MICAL3: variants seen among roughly 807,000 people sequenced by gnomAD.
The protein encoded by MICAL3 is [F-actin]-monooxygenase MICAL3.
A neutral mutation model predicts 207.4 loss-of-function variants in MICAL3; 62 were observed. That is an observed-to-expected ratio of 0.30 (90% CI 0.24 to 0.37). The LOEUF is 0.37. MICAL3 is among the 10% of genes least tolerant of loss of function. MICAL3 has a pLI of 1.00. For synonymous variants in MICAL3, 1,077 were observed against 1,069.3 expected (o/e 1.01, Z -0.14); for missense variants, 2,368 against 2,635.6 (o/e 0.90, Z 2.22).
At chr22:17,931,017 G>T (rs1446917039) in intron 1 of MICAL3, among the ~76,000 whole-genome samples, 1 of 152,192 alleles carries the variant, frequency 6.6e-6, no homozygotes, top group Non-Finnish European at 1.5e-5. Context: ...CTCCGCAACA[G>T]ACCGGGTTCC....
At chr22:17,947,383 C>T (rs1934125142) in intron 1 of MICAL3, among the ~76,000 whole-genome samples, 1 of 152,204 alleles carries the variant, frequency 6.6e-6, no homozygotes, top group Non-Finnish European at 1.5e-5. Context: ...TCGGTGTCTG[C>T]CTTGCTCCAA....
intron 25 of MICAL3, among the ~76,000 whole-genome samples, chr22:17,819,974 A>C (rs1177805311): frequency 1.7e-4 from 25 of 145,288 alleles, no homozygotes; most frequent in African/African-American, 6.2e-4. Flanking sequence ...AAAAAAATCC[A>C]ATCAGTGAAC....
intron 1 of MICAL3, among the ~76,000 whole-genome samples, chr22:17,977,676 A>G (rs1569154696): frequency 1.3e-5 from 2 of 152,168 alleles, no homozygotes. Context: ...TTAAACATAG[A>G]GTTACCATAT....
chr22:17,858,547 C>T (rs758658872), intron 19 of MICAL3: 28 of 836,056 alleles, frequency 3.3e-5, no homozygotes, highest in African/African-American at 2.0e-4. Context: ...CTTGTGGGAC[C>T]GGGTCCTATA....
At chr22:17,995,139 A>C (rs1922129759) in intron 1 of MICAL3, among the ~76,000 whole-genome samples, 2 of 152,066 alleles carry the variant, frequency 1.3e-5, no homozygotes, top group African/African-American at 2.4e-5. Context: ...ATAAGCCAAC[A>C]GTCTCACTTC....
At chr22:17,797,859 G>A (rs957059246) in intron 29 of MICAL3, among the ~76,000 whole-genome samples, 4 of 152,240 alleles carry the variant, frequency 2.6e-5, no homozygotes, top group East Asian at 1.9e-4. Context: ...CAGGCACGTC[G>A]GCGGGCCGTC....
intron 17 of MICAL3, among the ~76,000 whole-genome samples, chr22:17,866,407 G>T (rs1359821378): frequency 6.6e-6 from 1 of 152,220 alleles, no homozygotes; most frequent in Non-Finnish European, 1.5e-5. Flanking sequence ...TACAAGTGCA[G>T]GGTGGAGGCG....
At chr22:17,991,279 C>A (rs1227712927) in intron 1 of MICAL3, among the ~76,000 whole-genome samples, 1 of 152,216 alleles carries the variant, frequency 6.6e-6, no homozygotes, top group Non-Finnish European at 1.5e-5. Flanking sequence ...CAAAGAGGGG[C>A]AGGCAGGTGA....
intron 16 of MICAL3, chr22:17,875,479 G>A (rs1022885823): frequency 1.0e-5 from 16 of 1,556,844 alleles, no homozygotes; most frequent in Non-Finnish European, 1.4e-5. Flanking sequence ...GGAGAGGCGG[G>A]GCGGGCAGAG....
At position 17,817,480 on chromosome 22, in the gene MICAL3, G is replaced by A. The variant is rs369130749; in HGVS notation, c.5181C>T (p.Asn1727=). 9.9e-6 allele frequency: 16 copies of A among 1,613,668 alleles called. No homozygotes were observed. The highest frequency in any genetic ancestry group is 3.3e-5 in the Admixed American group (2 of 60,008). Residue 1727 remains asparagine (N), a synonymous_variant, in exon 26 of 32, where the codon AAC becomes AAT. Transcript: ENST00000441493. ...EGRPPEKPSS[N]LLEEAAAKPK... is the part of the protein sequence containing the mutation. Reference sequence around the variant, plus strand: ...GTTTGGCGGCGGCTTCTTCTAGGAGGTTGGAGCTGGGCTTCTCCGGGGGCC... The same window carrying A: ...GTTTGGCGGCGGCTTCTTCTAGGAGATTGGAGCTGGGCTTCTCCGGGGGCC...
At chr22:17,856,770 C>G (rs750161000) in intron 19 of MICAL3, among the ~76,000 whole-genome samples, 3 of 151,874 alleles carry the variant, frequency 2.0e-5, no homozygotes, top group Non-Finnish European at 4.4e-5. Flanking sequence ...TACAGGCGCC[C>G]GCCACCGCGC....
At chr22:17,821,562 G>C in intron 24 of MICAL3, 53 bp from the exon 25 acceptor site, 1 of 1,435,270 alleles carries the variant, frequency 7.0e-7, no homozygotes, top group Non-Finnish European at 9.4e-7. Context: ...CATGTGCCAG[G>C]AAGGCACCCC....
intron 1 of MICAL3, among the ~76,000 whole-genome samples, chr22:17,947,611 G>A (rs1485362783): frequency 2.0e-5 from 3 of 152,204 alleles, no homozygotes; most frequent in Non-Finnish European, 4.4e-5. Flanking sequence ...AGGCTGGAGT[G>A]CAGTGGTGCC....
intron 1 of MICAL3, among the ~76,000 whole-genome samples, chr22:18,009,093 G>A (rs942238432): frequency 3.3e-5 from 5 of 149,904 alleles, no homozygotes; most frequent in Non-Finnish European, 5.9e-5. Flanking sequence ...ACAAAACCAA[G>A]ATGGGACTAT....
In MICAL3 at chr22:17,788,836, A is replaced by G. The variant is rs995014564; in HGVS notation, c.*1896T>C. The G allele has an allele frequency of 6.6e-6, 1 of 152,466 alleles. No individual in the cohort carries two copies. The highest frequency in any genetic ancestry group is 1.5e-5 in the Non-Finnish European group (1 of 68,188). 9.4% of individuals were successfully genotyped at this position (152,466 alleles called of 1,614,324 possible). On this transcript the variant is annotated 3_prime_UTR_variant, in exon 32 of 32. Transcript: ENST00000441493. ...CAAGTTGAAGCACAGTGTGGTTCCCATGGAAAGCCCAAGGTCAGCACAGCC... is the reference window on the plus strand; with the variant it reads ...CAAGTTGAAGCACAGTGTGGTTCCCGTGGAAAGCCCAAGGTCAGCACAGCC...
chr22:18,020,943 A>C (rs1011109668), intron 1 of MICAL3, among the ~76,000 whole-genome samples: 3 of 150,826 alleles, frequency 2.0e-5, no homozygotes, highest in Admixed American at 6.6e-5. Flanking sequence ...TAAATAAATA[A>C]ATAAATAAAT....
chr22:17,947,239 C>T (rs1291691076), intron 1 of MICAL3, among the ~76,000 whole-genome samples: 6 of 152,214 alleles, frequency 3.9e-5, no homozygotes, highest in Non-Finnish European at 8.8e-5. Flanking sequence ...AAGACTGTGC[C>T]CGCCAAGACA....
chr22:17,860,339 T>C (rs1273537777), intron 19 of MICAL3: 2 of 984,500 alleles, frequency 2.0e-6, no homozygotes. Context: ...AAGGCAAAAA[T>C]GGAAGTGGAG....
chr22:17,902,435 G>A lies in MICAL3; in HGVS notation c.589+196C>T, dbSNP rs1286361742. Among the ~76,000 whole-genome samples the A allele has an allele frequency of 1.3e-5, 2 of 152,194 alleles. No homozygotes were observed. The highest frequency in any genetic ancestry group is 1.5e-5 in the Non-Finnish European group (1 of 68,036). Reference sequence around the variant, plus strand: ...ACCACAGAAGGAAAGAAGCCTTGCAGAGGGCTCACGGGGCCCTTCCCACCA... The same window carrying A: ...ACCACAGAAGGAAAGAAGCCTTGCAAAGGGCTCACGGGGCCCTTCCCACCA... On this transcript the variant is annotated intron_variant, in intron 4 of 31. Transcript: ENST00000441493. This position sits in a 1 kb window ranked among gnomAD's most constrained non-coding sequence, Gnocchi z 4.5.
Sources: allele counts gnomAD v4.1 joint callset (sites outside exome capture counted in the v4.1 genomes callset), GRCh38; gene constraint gnomAD v4.1.1; non-coding constraint Gnocchi (gnomAD v3.1); transcripts MANE v1.5; gene names NCBI Gene and HGNC (gene_info 2026-07-23, HGNC 2026-07-21).